Variants in SUFU observed in about 807,000 individuals in gnomAD.
The protein encoded by SUFU is suppressor of fused homolog.
A neutral mutation model predicts 58.9 loss-of-function variants in SUFU; 7 were observed. The ratio of observed to expected loss-of-function variants is 0.12; its 90% CI spans 0.07 to 0.22. The LOEUF is 0.22. Ranked by LOEUF, SUFU falls within the 10% of genes least tolerant of loss-of-function variation. The pLI is 1.00. For synonymous variants in SUFU, 232 were observed against 254.8 expected (o/e 0.91, Z 0.85); for missense variants, 451 against 641.3 (o/e 0.70, Z 3.20).
intron 3 of SUFU, among the ~76,000 whole-genome samples, chr10:102,551,035 G>A (rs1008172554): frequency 6.6e-6 from 1 of 152,132 alleles, no homozygotes; most frequent in Non-Finnish European, 1.5e-5. Flanking sequence ...GGGCCACCGC[G>A]CCTGGCCAGT....
At chr10:102,512,007 C>T (rs1445027202) in intron 2 of SUFU, among the ~76,000 whole-genome samples, 5 of 152,202 alleles carry the variant, frequency 3.3e-5, no homozygotes, top group African/African-American at 1.2e-4. Flanking sequence ...CCACTGTATT[C>T]AGCCTCAGAG....
chr10:102,593,095 C>G (rs1294642777), intron 4 of SUFU, among the ~76,000 whole-genome samples: 2 of 152,166 alleles, frequency 1.3e-5, no homozygotes, highest in Non-Finnish European at 2.9e-5. Context: ...CAGCTTTGAC[C>G]AGTGCTTGTT....
intron 2 of SUFU, among the ~76,000 whole-genome samples, chr10:102,512,238 C>G (rs2062408708): frequency 6.6e-6 from 1 of 152,070 alleles, no homozygotes; most frequent in African/African-American, 2.4e-5. Context: ...GAATGGGGAC[C>G]CAGCATTACA....
intron 1 of SUFU, among the ~76,000 whole-genome samples, chr10:102,505,587 C>T (rs1470896354): frequency 6.6e-6 from 1 of 152,186 alleles, no homozygotes; most frequent in African/African-American, 2.4e-5. Context: ...ACATCGGTGT[C>T]AGTAGGCTGT....
chr10:102,517,941 C>T (rs527818453), intron 2 of SUFU, among the ~76,000 whole-genome samples: 1 of 152,240 alleles, frequency 6.6e-6, no homozygotes, highest in East Asian at 1.9e-4. Flanking sequence ...GACCGAGCGC[C>T]TGCCCTTAAA....
chr10:102,613,295 T>A (rs1468806353), intron 8 of SUFU, among the ~76,000 whole-genome samples: 3 of 152,256 alleles, frequency 2.0e-5, no homozygotes, highest in Non-Finnish European at 4.4e-5. Flanking sequence ...AAAGGCAGTT[T>A]TAGAGCTGGC....
At chr10:102,587,149 T>C (rs989766810) in intron 3 of SUFU, among the ~76,000 whole-genome samples, 2 of 152,242 alleles carry the variant, frequency 1.3e-5, no homozygotes, top group Non-Finnish European at 2.9e-5. Context: ...TTGTGAATAA[T>C]GCTGCTGTGA....
intron 3 of SUFU, among the ~76,000 whole-genome samples, chr10:102,577,086 T>TC (rs34752471): frequency 0.31 from 42,383 of 138,442 alleles, 7,070 homozygotes; most frequent in Admixed American, 0.36. Flanking sequence ...TTTTCTTTTC[T>TC]TTTTTTTTTT....
intron 6 of SUFU, among the ~76,000 whole-genome samples, chr10:102,595,129 T>C (rs772022195): frequency 3.3e-5 from 5 of 152,158 alleles, no homozygotes; most frequent in Non-Finnish European, 7.4e-5. Flanking sequence ...ATGCAGGTCA[T>C]TGCCATCTCT....
At chr10:102,535,896 A>G (rs2062732907) in intron 2 of SUFU, among the ~76,000 whole-genome samples, 1 of 151,968 alleles carries the variant, frequency 6.6e-6, no homozygotes, top group African/African-American at 2.4e-5. Flanking sequence ...CCAAGATACA[A>G]CCCTGCCCTT....
chr10:102,579,256 C>T (rs766143845), intron 3 of SUFU, among the ~76,000 whole-genome samples: 4 of 152,166 alleles, frequency 2.6e-5, no homozygotes, highest in Non-Finnish European at 4.4e-5. Context: ...GAGAATGAGG[C>T]TGTCTGCTGT....
chr10:102,580,653 T>C (rs773149851), intron 3 of SUFU, among the ~76,000 whole-genome samples: 22 of 152,104 alleles, frequency 1.4e-4, no homozygotes, highest in Non-Finnish European at 2.4e-4. Flanking sequence ...TGGGTACTGT[T>C]AGGTTGAGGG....
intron 2 of SUFU, among the ~76,000 whole-genome samples, chr10:102,541,697 C>CTTTTTTTTTTTTTTT (rs869264798): frequency 1.8e-5 from 1 of 56,086 alleles, no homozygotes; most frequent in Non-Finnish European, 3.1e-5. Context: ...CCGCGCCCGG[C>CTTTTTTTTTTTTTTT]TTTTTTTTTT....
intron 8 of SUFU, among the ~76,000 whole-genome samples, chr10:102,608,274 G>A (rs149505357): frequency 3.9e-5 from 6 of 152,178 alleles, no homozygotes; most frequent in African/African-American, 1.4e-4. Context: ...ATCTACAGAG[G>A]TGACAGTTGT....
chr10:102,551,718 T>C (rs972413280), intron 3 of SUFU, among the ~76,000 whole-genome samples: 5 of 99,558 alleles, frequency 5.0e-5, no homozygotes, highest in African/African-American at 1.9e-4. Flanking sequence ...ATGTGCCTTC[T>C]TTTTTTTTTT....
At chr10:102,618,965 T>C in intron 10 of SUFU, 1 of 867,128 alleles carries the variant, frequency 1.2e-6, no homozygotes. Flanking sequence ...TGTGTGTGTG[T>C]GTGTGTGTGT....
In SUFU at chr10:102,632,811, A is replaced by T. The variant is rs369561150; in HGVS notation, c.*2656A>T. 4 of 233,156 alleles carry T rather than the reference A, an allele frequency of 1.7e-5. No homozygotes were observed. The Admixed American group carries it at 2.3e-4, about 13-fold the overall frequency. 14.4% of individuals were successfully genotyped at this position (233,156 alleles called of 1,614,324 possible). On this transcript the variant is annotated 3_prime_UTR_variant, in exon 12 of 12. Transcript: ENST00000369902. The stretch of plus-strand genomic sequence containing the variant: ...CCTTTCCCTTTCCTCTTTGCCTGCT[A>T]TATAAGGCAGGCTCCTGTGGCTCTG...
chr10:102,612,243 C>T (rs1485019865), intron 8 of SUFU, among the ~76,000 whole-genome samples: 2 of 151,632 alleles, frequency 1.3e-5, no homozygotes, highest in African/African-American at 2.4e-5. Flanking sequence ...ATAGCAGCCG[C>T]GTTTCCATCG....
chr10:102,521,666 C>G (rs71471245), intron 2 of SUFU, among the ~76,000 whole-genome samples: 2,327 of 152,282 alleles, frequency 0.015, 28 homozygotes, highest in Non-Finnish European at 0.025. Context: ...CCCTATTGGG[C>G]TTAACCTTGC....
Sources: gnomAD v4.1 joint callset for allele counts (sites outside exome capture counted in the v4.1 genomes callset) on GRCh38, gnomAD v4.1.1 for gene constraint, MANE v1.5 for transcripts, NCBI Gene and HGNC (gene_info 2026-07-23, HGNC 2026-07-21) for gene names.